Variants in ADAMTSL1 observed in about 807,000 individuals in gnomAD.
The protein encoded by ADAMTSL1 is ADAMTS like 1.
A neutral mutation model predicts 201.8 loss-of-function variants in ADAMTSL1; 126 were observed. The ratio of observed to expected loss-of-function variants is 0.62; its 90% CI spans 0.54 to 0.72. The LOEUF is 0.72. ADAMTSL1 is among the 30% of genes least tolerant of loss of function. The pLI is 0.00. For synonymous variants in ADAMTSL1, 1,121 were observed against 903.4 expected (o/e 1.24, Z -4.32); for missense variants, 2,679 against 2,277.8 (o/e 1.18, Z -3.59).
chr9:17,942,483 C>T (rs1827279208), intron 1 of ADAMTSL1, among the ~76,000 whole-genome samples: 1 of 152,112 alleles, frequency 6.6e-6, no homozygotes, highest in East Asian at 1.9e-4. Flanking sequence ...CTAAGTTCCC[C>T]ATTAAATTGA....
chr9:18,588,012 T>C (rs1823628646), intron 4 of ADAMTSL1, among the ~76,000 whole-genome samples: 1 of 152,206 alleles, frequency 6.6e-6, no homozygotes, highest in Admixed American at 6.5e-5. Context: ...CTGGATCATA[T>C]AGTAGTTCTA....
chr9:18,875,916 T>G lies in ADAMTSL1; in HGVS notation c.4250-11915T>G, dbSNP rs1021968049. Among the ~76,000 whole-genome samples, 3 of 152,156 alleles carry G rather than the reference T, an allele frequency of 2.0e-5. 1 individual carries two copies. In the South Asian group the frequency reaches 6.2e-4, roughly 32 times the overall value. ...GTCTGGTAATGATTGTTTTATAAGT[T>G]TGGGAGCTCCAGTATTATGTGCATA... On this transcript the variant is annotated intron_variant, in intron 23 of 28. Coordinates refer to ENST00000380548, the MANE Select transcript of ADAMTSL1 (RefSeq NM_001040272.6).
intron 2 of ADAMTSL1, among the ~76,000 whole-genome samples, chr9:18,260,998 T>C (rs1345101324): frequency 1.4e-5 from 2 of 146,120 alleles, no homozygotes; most frequent in South Asian, 2.3e-4. Flanking sequence ...AAATCTCCTC[T>C]TTTTTTCCTT....
intron 2 of ADAMTSL1, among the ~76,000 whole-genome samples, chr9:18,457,123 AC>A: frequency 6.6e-6 from 1 of 152,310 alleles, no homozygotes; most frequent in South Asian, 2.1e-4. Context: ...GTGAAAAACT[AC>A]TTTTCTATGC....
At chr9:18,607,912 A>T (rs1825131060) in intron 4 of ADAMTSL1, among the ~76,000 whole-genome samples, 1 of 152,102 alleles carries the variant, frequency 6.6e-6, no homozygotes, top group South Asian at 2.1e-4. Flanking sequence ...TGAACTCATC[A>T]TTTTTTATGA....
chr9:17,928,231 T>C (rs544557815), intron 1 of ADAMTSL1, among the ~76,000 whole-genome samples: 1 of 152,228 alleles, frequency 6.6e-6, no homozygotes, highest in Admixed American at 6.5e-5. Flanking sequence ...ACTCCCTGCT[T>C]CAAGCGATCT....
chr9:18,463,804 A>G (rs1295318270), intron 2 of ADAMTSL1, among the ~76,000 whole-genome samples: 1 of 152,196 alleles, frequency 6.6e-6, no homozygotes, highest in Non-Finnish European at 1.5e-5. Flanking sequence ...TTAATATATA[A>G]CACTGCTATG....
chr9:18,126,427 A>G (rs192117355), intron 1 of ADAMTSL1, among the ~76,000 whole-genome samples: 4 of 152,200 alleles, frequency 2.6e-5, no homozygotes, highest in East Asian at 1.9e-4. Flanking sequence ...TTAGGGTCCA[A>G]TACCTTTCTA....
intron 2 of ADAMTSL1, among the ~76,000 whole-genome samples, chr9:18,267,918 A>G (rs1286511721): frequency 6.6e-6 from 1 of 152,118 alleles, no homozygotes; most frequent in Non-Finnish European, 1.5e-5. Context: ...CTAATTTCTC[A>G]TAATCTCACA....
At chr9:18,105,987 G>C (rs970963061) in intron 1 of ADAMTSL1, among the ~76,000 whole-genome samples, 3 of 152,182 alleles carry the variant, frequency 2.0e-5, no homozygotes, top group African/African-American at 7.2e-5. Flanking sequence ...TGCAATATCG[G>C]TCAGGAGATT....
chr9:18,040,330 A>G (rs1179142956), intron 1 of ADAMTSL1, among the ~76,000 whole-genome samples: 1 of 152,214 alleles, frequency 6.6e-6, no homozygotes, highest in African/African-American at 2.4e-5. Flanking sequence ...CCTTTTGGAC[A>G]TGAGCAGATA....
At chr9:18,451,976 TCTC>T (rs2131674279) in intron 2 of ADAMTSL1, among the ~76,000 whole-genome samples, 1 of 152,302 alleles carries the variant, frequency 6.6e-6, no homozygotes, top group East Asian at 1.9e-4. Context: ...AATGGCACAA[TCTC>T]AGCTCACCAC....
At chr9:18,720,581 C>T (rs1249830991) in intron 14 of ADAMTSL1, among the ~76,000 whole-genome samples, 1 of 152,194 alleles carries the variant, frequency 6.6e-6, no homozygotes, top group East Asian at 1.9e-4. Context: ...GTCAGGAGTT[C>T]GAGACAGACT....
chr9:18,391,208 A>C (rs1480098558), intron 2 of ADAMTSL1, among the ~76,000 whole-genome samples: 4 of 152,198 alleles, frequency 2.6e-5, no homozygotes, highest in African/African-American at 9.6e-5. Context: ...GGTCATTTTT[A>C]TACCTTTTTC....
chr9:18,414,859 A>G (rs1327963614), intron 2 of ADAMTSL1, among the ~76,000 whole-genome samples: 1 of 152,224 alleles, frequency 6.6e-6, no homozygotes, highest in Non-Finnish European at 1.5e-5. Flanking sequence ...CCTCAAAAGG[A>G]TTAGAGAGAG....
At chr9:17,964,232 A>T (rs1778181) in intron 1 of ADAMTSL1, among the ~76,000 whole-genome samples, 149,413 of 152,250 alleles carry the variant, frequency 0.98, 73,317 homozygotes, top group East Asian at 1. Flanking sequence ...TGGCGTTAGT[A>T]AAAAGTGACT....
At chr9:17,976,817 C>G (rs368637281) in intron 1 of ADAMTSL1, among the ~76,000 whole-genome samples, 5 of 149,756 alleles carry the variant, frequency 3.3e-5, no homozygotes, top group African/African-American at 1.2e-4. Context: ...AATTTGGATG[C>G]CTTTTATTTT....
At chr9:18,272,520 G>A (rs879797713) in intron 2 of ADAMTSL1, among the ~76,000 whole-genome samples, 28 of 152,098 alleles carry the variant, frequency 1.8e-4, no homozygotes, top group Non-Finnish European at 4.1e-4. Flanking sequence ...GAAAACCTAG[G>A]CAATACCATT....
At position 18,315,180 on chromosome 9, in the gene ADAMTSL1, A is replaced by G. The variant is rs573618961; in HGVS notation, c.207+151199A>G. 2.6e-5 allele frequency among the ~76,000 whole-genome samples: 4 copies of G among 152,214 alleles called. No individual in the cohort carries two copies. In the East Asian group the frequency reaches 7.8e-4, roughly 30 times the overall value. On this transcript the variant is annotated intron_variant, in intron 2 of 29. Transcript: ENST00000680146. ...TTGGTGCATTTGCAAACCTTGAGCT[A>G]GACACAGAGTGCTGATTGGAGCATT... is the stretch of plus-strand genomic sequence containing the variant.
Sources: gnomAD v4.1 joint callset for allele counts (sites outside exome capture counted in the v4.1 genomes callset) on GRCh38, gnomAD v4.1.1 for gene constraint, MANE v1.5 for transcripts, NCBI Gene and HGNC (gene_info 2026-07-23, HGNC 2026-07-21) for gene names.